Variants in RDH16 observed in about 807,000 individuals in gnomAD.
RDH16 encodes retinol dehydrogenase 16.
In RDH16, 25 loss-of-function variants were observed where a neutral mutation model predicts 22.3. The ratio of observed to expected loss-of-function variants is 1.12; its 90% CI spans 0.82 to 1.56. The LOEUF (loss-of-function observed/expected upper bound fraction) is 1.56, where lower values mean the gene tolerates loss of function less well. Ranked by LOEUF, RDH16 falls within the 40% of genes most tolerant of loss-of-function variation. The pLI is 0.00. For missense variants in RDH16, 413 were observed against 394.9 expected (o/e 1.05, Z -0.39); for synonymous variants, 154 against 164.4 (o/e 0.94, Z 0.48).
chr12:56,951,653 A>C lies in RDH16; in HGVS notation c.*376T>G. ...GAGGGTGTAGACTGGCCCAGAATTA[A>C]CACACAGCCTGATAAGGAAGCAGGA... On this transcript the variant is annotated 3_prime_UTR_variant, in exon 4 of 4. Transcript: ENST00000398138. 3.8e-6 allele frequency: 1 copy of C among 264,470 alleles called. No homozygotes were observed. The highest frequency in any genetic ancestry group is 5.7e-5 in the South Asian group (1 of 17,686). 16.4% of individuals were successfully genotyped at this position (264,470 alleles called of 1,614,324 possible). A position where few individuals can be genotyped will look rare whatever the true frequency, so the allele number is the denominator to read the frequency against.
intron 1 of RDH16, among the ~76,000 whole-genome samples, chr12:56,956,853 T>A (rs1419029407): frequency 6.6e-6 from 1 of 152,140 alleles, no homozygotes; most frequent in Non-Finnish European, 1.5e-5. Context: ...CCCAGGCTCT[T>A]AGCATCAAAC....
At position 56,952,191 on chromosome 12, in the gene RDH16, C is replaced by G. The variant is rs867695955; in HGVS notation, c.792G>C (p.Val264=). The G allele has an allele frequency of 6.2e-7, 1 of 1,614,200 alleles. No homozygotes were observed. The highest frequency in any genetic ancestry group is 1.3e-5 in the African/African-American group (1 of 75,046). ...EQKCTQDLSL[V]TNCMEHALIA... is the part of the protein sequence containing the mutation. ...TCAGCGCATGCTCCATGCAGTTGGT[C>G]ACCAACGACAGATCCTGTGTGCACT... The change falls in exon 4 of 4, where the codon GTG becomes GTC. Residue 264 remains valine, a synonymous_variant. Transcript: ENST00000398138.
In RDH16 at chr12:56,955,122, G is replaced by A. The variant is rs761232991; in HGVS notation, c.356C>T (p.Thr119Met). The A allele has an allele frequency of 5.5e-5, 88 of 1,613,992 alleles. No homozygotes were observed. The highest frequency in any genetic ancestry group is 3.6e-4 in the South Asian group (33 of 91,070). The change falls in exon 2 of 4, where the codon ACG becomes ATG. Residue 119 changes from threonine to methionine, a missense_variant. Physicochemically the swap from Thr to Met is moderately conservative, Grantham distance 81. Coordinates refer to ENST00000398138, the MANE Select transcript of RDH16 (RefSeq NM_003708.5). ...CTTGGTGAGCAACTCATTGGGAGCC[G>A]TGGGCAAGGAGATGCCAGCATTATT... Reference protein sequence around the residue: ...LVNNAGISLPTAPNELLTKQD... With the variant: ...LVNNAGISLPMAPNELLTKQD...
chr12:56,952,764 A>G (rs1955893327), intron 3 of RDH16, 63 bp downstream of exon 3: 6 of 1,558,422 alleles, frequency 3.9e-6, no homozygotes, highest in Admixed American at 1.8e-5. Flanking sequence ...TCAGACACCA[A>G]TGGTAGACCA....
chr12:56,952,611 A>C (rs1468934365), intron 3 of RDH16, among the ~76,000 whole-genome samples: 4 of 152,188 alleles, frequency 2.6e-5, no homozygotes, highest in Admixed American at 6.5e-5. Flanking sequence ...ATGGGTTCAG[A>C]TAGACACTGG....
At chr12:56,954,657 A>G (rs1445422932) in intron 2 of RDH16, among the ~76,000 whole-genome samples, 1 of 152,220 alleles carries the variant, frequency 6.6e-6, no homozygotes, top group African/African-American at 2.4e-5. Flanking sequence ...AGATCCATCC[A>G]GGGAAGAGGT....
In RDH16 at chr12:56,952,286, C is replaced by T. The variant is rs371688207; in HGVS notation, c.737-40G>A. The T allele has an allele frequency of 8.3e-6, 13 of 1,570,392 alleles. No individual in the cohort carries two copies. The African/African-American group carries it at 1.8e-4, about 21-fold the overall frequency. ...AAACAATCCATGTATATTTCCACCT[C>T]TAACCGCTCCTGCTTTGGATTCAAC... On this transcript the variant is annotated intron_variant, in intron 3 of 3. Transcript: ENST00000398138.
intron 2 of RDH16, among the ~76,000 whole-genome samples, 159 bp from the exon 3 acceptor site, chr12:56,953,149 C>G (rs1955898609): frequency 6.6e-6 from 1 of 152,190 alleles, no homozygotes; most frequent in Non-Finnish European, 1.5e-5. Context: ...TCATAATTAT[C>G]ATGGTGGCAT....
intron 1 of RDH16, among the ~76,000 whole-genome samples, chr12:56,955,619 G>T (rs900656640): frequency 6.6e-6 from 1 of 152,090 alleles, no homozygotes; most frequent in African/African-American, 2.4e-5. Flanking sequence ...ACAAGAAAGA[G>T]GGAGAGTGAG....
At chr12:56,957,015 A>C in intron 1 of RDH16, 135 bp downstream of exon 1, 2 of 877,844 alleles carry the variant, frequency 2.3e-6, no homozygotes, top group Non-Finnish European at 3.6e-6. Flanking sequence ...CAGCCTGTTA[A>C]GTGAGAAATA....
In RDH16 at chr12:56,953,977, GTC is replaced by G. The variant is rs748823039; in HGVS notation, c.572+927_572+928del. On this transcript the variant is annotated intron_variant, in intron 2 of 3. Transcript: ENST00000398138. ...GGCCACTTGGACAAGGGCCTAAAGT[GTC>G]TGTTGTGTGGACTCAGATGCTCTAC... Among the ~76,000 whole-genome samples the G allele has an allele frequency of 5.9e-5, 9 of 152,320 alleles. No individual in the cohort carries two copies. In the South Asian group the frequency reaches 1.9e-3, roughly 32 times the overall value.
At chr12:56,952,744 C>T in intron 3 of RDH16, 83 bp downstream of exon 3, 3 of 1,503,652 alleles carry the variant, frequency 2.0e-6, no homozygotes, top group South Asian at 2.6e-5. Context: ...GGATCAAACT[C>T]TAATGCCCTT....
rs780187597 is a variant in RDH16 at position 56,952,257 on chromosome 12, T to C, written c.737-11A>G. ...CAGCTGATTTCTTATCTGTTAAGAA[T>C]CAGAAACAATCCATGTATATTTCCA... On this transcript the variant is annotated splice_polypyrimidine_tract_variant and intron_variant, in intron 3 of 3. Transcript: ENST00000398138. The C allele has an allele frequency of 2.5e-6, 4 of 1,611,864 alleles. No individual in the cohort carries two copies. In the South Asian group the frequency reaches 3.3e-5, roughly 13 times the overall value.
chr12:56,953,049 A>G (rs1955898160), intron 2 of RDH16, 59 bp from the exon 3 acceptor site: 2 of 1,451,854 alleles, frequency 1.4e-6, no homozygotes, highest in African/African-American at 2.8e-5. Context: ...TAAAACACAA[A>G]CAATAAAAGT....
In RDH16 at chr12:56,957,292, C is replaced by T; in HGVS notation, c.171G>A (p.Leu57=). ...RQLDARGLRV[L]AACLTEKGAE... ...CTCCTTTCTCCGTCAGACATGCAGC[C>T]AGCACCCGCAAGCCTCGTGCATCCA... The change falls in exon 1 of 4, where the codon CTG becomes CTA. Residue 57 remains leucine, a synonymous_variant. Coordinates refer to ENST00000398138, the MANE Select transcript of RDH16 (RefSeq NM_003708.5). 1 of 1,614,186 alleles carries T rather than the reference C, an allele frequency of 6.2e-7. No individual in the cohort carries two copies. The highest frequency in any genetic ancestry group is 1.1e-5 in the South Asian group (1 of 91,080).
chr12:56,957,387 G>C lies in RDH16; in HGVS notation c.76C>G (p.His26Asp). Residue 26 changes from histidine (H) to aspartate (D), a missense_variant, in exon 1 of 4, where the codon CAC becomes GAC. Physicochemically the swap from His to Asp is moderately conservative, Grantham distance 81. Coordinates refer to ENST00000398138, the MANE Select transcript of RDH16 (RefSeq NM_003708.5). Reference protein sequence around the residue: ...HWYRERQVLSHLRDKYVFITG... With the variant: ...HWYRERQVLSDLRDKYVFITG... ...ATGAACACATACTTATCTCTCAGGTGGCTCAGCACCTGCCTCTCCCGGTAC... is the reference window on the plus strand; with the variant it reads ...ATGAACACATACTTATCTCTCAGGTCGCTCAGCACCTGCCTCTCCCGGTAC... 6.2e-7 allele frequency: 1 copy of C among 1,614,146 alleles called. No individual in the cohort carries two copies. The highest frequency in any genetic ancestry group is 8.5e-7 in the Non-Finnish European group (1 of 1,180,026).
At chr12:56,953,079 A>G (rs1389260458) in intron 2 of RDH16, 89 bp from the exon 3 acceptor site, 1 of 1,183,600 alleles carries the variant, frequency 8.4e-7, no homozygotes, top group African/African-American at 1.5e-5. Context: ...ATATCACAAC[A>G]TATGAGGACA....
chr12:56,957,457 C>A lies in RDH16; in HGVS notation c.6G>T (p.Trp2Cys), dbSNP rs967984690. Reference protein sequence around the residue: MWLYLAVFVGLY... With the variant: MCLYLAVFVGLY... ...GGCCCACGAAAACCGCCAGGTAGAGCCACATGGCTTTGCAGAGGACAGACA... is the reference window on the plus strand; with the variant it reads ...GGCCCACGAAAACCGCCAGGTAGAGACACATGGCTTTGCAGAGGACAGACA... The change falls in exon 1 of 4, where the codon TGG (tryptophan) becomes TGT (cysteine). Residue 2 changes from tryptophan to cysteine, a missense_variant. Physicochemically the swap from Trp to Cys is radical, Grantham distance 215. Transcript: ENST00000398138. 1.2e-6 allele frequency: 2 copies of A among 1,609,434 alleles called. No individual in the cohort carries two copies. Among genetic ancestry groups the A allele is most frequent in the African/African-American group, 1.3e-5 (1 of 74,830 alleles).
chr12:56,952,769 A>G lies in RDH16; in HGVS notation c.736+58T>C, dbSNP rs1348038126. On this transcript the variant is annotated intron_variant, in intron 3 of 3. Coordinates refer to ENST00000398138, the MANE Select transcript of RDH16 (RefSeq NM_003708.5). The stretch of plus-strand genomic sequence containing the variant: ...CTAATGCCCTTCAGACACCAATGGT[A>G]GACCAAGGATTCCACACGAGGGTTT... 3.8e-6 allele frequency: 6 copies of G among 1,564,182 alleles called. No individual in the cohort carries two copies. The African/African-American group carries it at 5.4e-5, about 14-fold the overall frequency.
Sources: allele counts gnomAD v4.1 joint callset (sites outside exome capture counted in the v4.1 genomes callset), GRCh38; gene constraint gnomAD v4.1.1; transcripts MANE v1.5; gene names NCBI Gene and HGNC (gene_info 2026-07-23, HGNC 2026-07-21).